The following DPYSL3 variants were observed in gnomAD, a reference collection of about 807,000 sequenced individuals.
DPYSL3 encodes dihydropyrimidinase like 3.
DPYSL3 carries 16 observed loss-of-function variants against 66.1 expected under a neutral mutation model. That is an observed-to-expected ratio of 0.24 (90% CI 0.16 to 0.37). DPYSL3 has a LOEUF of 0.37. Ranked by LOEUF, DPYSL3 falls within the 10% of genes least tolerant of loss-of-function variation. The probability of loss-of-function intolerance (pLI) is 1.00; values close to 1 mark genes in which losing one functional copy is unlikely to be tolerated. For synonymous variants in DPYSL3, 338 were observed against 345.1 expected (o/e 0.98, Z 0.23); for missense variants, 738 against 916.2 (o/e 0.81, Z 2.51).
chr5:147,498,205 G>A (rs150977237), intron 1 of DPYSL3, among the ~76,000 whole-genome samples: 113 of 151,908 alleles, frequency 7.4e-4, no homozygotes, highest in African/African-American at 2.6e-3. Flanking sequence ...TTCTATTCCC[G>A]CATTAGTTTG....
intron 9 of DPYSL3, among the ~76,000 whole-genome samples, 162 bp from the exon 10 acceptor site, chr5:147,400,995 C>T (rs1317533393): frequency 6.6e-6 from 1 of 152,110 alleles, no homozygotes; most frequent in African/African-American, 2.4e-5. Flanking sequence ...GAGTTTCTTC[C>T]CCTCCCTGGG....
intron 1 of DPYSL3, among the ~76,000 whole-genome samples, chr5:147,464,400 A>C (rs1319751769): frequency 1.3e-5 from 2 of 152,144 alleles, no homozygotes; most frequent in African/African-American, 4.8e-5. Flanking sequence ...AAATGTTTCC[A>C]CCAGGGGGCA....
chr5:147,451,288 C>A (rs746561490), intron 1 of DPYSL3, among the ~76,000 whole-genome samples: 4 of 152,204 alleles, frequency 2.6e-5, no homozygotes, highest in Non-Finnish European at 4.4e-5. Flanking sequence ...CAACCACTGT[C>A]TACTCCTGTT....
chr5:147,493,399 A>G (rs1224356123), intron 1 of DPYSL3, among the ~76,000 whole-genome samples: 1 of 152,088 alleles, frequency 6.6e-6, no homozygotes, highest in Non-Finnish European at 1.5e-5. Flanking sequence ...ATAGGGAGAC[A>G]GCATCTCTAC....
At chr5:147,430,881 C>T (rs1016513375) in intron 1 of DPYSL3, among the ~76,000 whole-genome samples, 2 of 152,150 alleles carry the variant, frequency 1.3e-5, no homozygotes, top group African/African-American at 4.8e-5. Flanking sequence ...CACATCTGTT[C>T]CACACTCCGC....
At position 147,443,628 on chromosome 5, in the gene DPYSL3, T is replaced by C. The variant is rs548247556; in HGVS notation, c.382-18665A>G. On this transcript the variant is annotated intron_variant, in intron 1 of 13. Transcript: ENST00000343218. Reference sequence around the variant, plus strand: ...TTTTAAGGAGAGATAAAGAAAAAAGTTATCTCCATGGAGACTCTGAAAGTA... The same window carrying C: ...TTTTAAGGAGAGATAAAGAAAAAAGCTATCTCCATGGAGACTCTGAAAGTA... Among the ~76,000 whole-genome samples, 8 of 151,652 alleles carry C rather than the reference T, an allele frequency of 5.3e-5. No homozygotes were observed. In the South Asian group the frequency reaches 1.0e-3, roughly 20 times the overall value.
chr5:147,508,168 T>A (rs535912046), intron 1 of DPYSL3, among the ~76,000 whole-genome samples: 18 of 152,342 alleles, frequency 1.2e-4, no homozygotes, highest in African/African-American at 3.6e-4. Flanking sequence ...ATGAATGATT[T>A]CAGAGGAAGC....
chr5:147,505,328 G>T (rs140579786), intron 1 of DPYSL3, among the ~76,000 whole-genome samples: 1 of 148,618 alleles, frequency 6.7e-6, no homozygotes, highest in Non-Finnish European at 1.5e-5. Context: ...TCCACCTCCC[G>T]GGTTCAAGCG....
At chr5:147,429,463 G>A (rs1297306593) in intron 1 of DPYSL3, among the ~76,000 whole-genome samples, 2 of 151,994 alleles carry the variant, frequency 1.3e-5, no homozygotes, top group Non-Finnish European at 2.9e-5. Context: ...CACATCACAG[G>A]GTGGCTGCCA....
chr5:147,395,823 TA>T (rs35309287), intron 12 of DPYSL3, 102 bp from the exon 13 acceptor site: 37,026 of 1,341,248 alleles, frequency 0.028, 623 homozygotes, highest in Non-Finnish European at 0.033. Context: ...TGGTGGGAGC[TA>T]GGAATTAACA....
chr5:147,476,723 G>T (rs889780807), intron 1 of DPYSL3, among the ~76,000 whole-genome samples: 4 of 152,150 alleles, frequency 2.6e-5, no homozygotes, highest in African/African-American at 9.7e-5. Context: ...GGAGTATTGT[G>T]GGAGGAGTCT....
At chr5:147,449,317 G>A (rs1413186443) in intron 1 of DPYSL3, among the ~76,000 whole-genome samples, 7 of 152,176 alleles carry the variant, frequency 4.6e-5, no homozygotes, top group Non-Finnish European at 1.0e-4. Flanking sequence ...AGATCACAGA[G>A]CTCTGACTAC....
chr5:147,398,595 C>T (rs1268940437), intron 11 of DPYSL3, among the ~76,000 whole-genome samples: 2 of 152,206 alleles, frequency 1.3e-5, no homozygotes, highest in Non-Finnish European at 2.9e-5. Context: ...TTATCATCCT[C>T]CATGTGAAAC....
At chr5:147,439,602 A>G (rs755315899) in intron 1 of DPYSL3, among the ~76,000 whole-genome samples, 2 of 152,194 alleles carry the variant, frequency 1.3e-5, no homozygotes, top group Non-Finnish European at 2.9e-5. Context: ...TTACATTTTT[A>G]GAGGACCACC....
At chr5:147,489,292 T>C (rs919062899) in intron 1 of DPYSL3, among the ~76,000 whole-genome samples, 2 of 152,174 alleles carry the variant, frequency 1.3e-5, no homozygotes, top group African/African-American at 4.8e-5. Context: ...CTCCTCTTAG[T>C]ATCCACACCA....
intron 1 of DPYSL3, among the ~76,000 whole-genome samples, chr5:147,443,588 A>G (rs1406890523): frequency 2.7e-5 from 4 of 149,330 alleles, no homozygotes; most frequent in Admixed American, 1.4e-4. Context: ...CTGCACATGT[A>G]TCCCGTTTTT....
chr5:147,487,937 A>C (rs1753360208), intron 1 of DPYSL3, among the ~76,000 whole-genome samples: 1 of 152,064 alleles, frequency 6.6e-6, no homozygotes, highest in Non-Finnish European at 1.5e-5. Flanking sequence ...GCTTCCTGAC[A>C]CTCCCTGGGT....
intron 3 of DPYSL3, among the ~76,000 whole-genome samples, chr5:147,416,127 T>A (rs1292738219): frequency 6.6e-6 from 1 of 151,960 alleles, no homozygotes; most frequent in African/African-American, 2.4e-5. Flanking sequence ...CCAAGTGGGG[T>A]GGGAGTCAGG....
chr5:147,399,106 G>A lies in DPYSL3; in HGVS notation c.1599C>T (p.Ile533=), dbSNP rs756560734. The A allele has an allele frequency of 5.4e-5, 87 of 1,613,986 alleles. No individual in the cohort carries two copies. The highest frequency in any genetic ancestry group is 1.5e-4 in the Admixed American group (9 of 60,004). Residue 533 remains isoleucine (I), a synonymous_variant, in exon 11 of 14, where the codon ATC becomes ATT. Coordinates refer to ENST00000343218, the MANE Select transcript of DPYSL3 (RefSeq NM_001197294.2). ...CAGACTGGTGGTTCTTGGCAGAGACGATCTTCACAGCATCTGGATCCCAGA... is the reference window on the plus strand; with the variant it reads ...CAGACTGGTGGTTCTTGGCAGAGACAATCTTCACAGCATCTGGATCCCAGA... ...LVIWDPDAVK[I]VSAKNHQSAA...
Sources: gnomAD v4.1 joint callset for allele counts (sites outside exome capture counted in the v4.1 genomes callset) on GRCh38, gnomAD v4.1.1 for gene constraint, MANE v1.5 for transcripts, NCBI Gene and HGNC (gene_info 2026-07-23, HGNC 2026-07-21) for gene names.